The following NCAM2 variants were observed in gnomAD, a reference collection of about 807,000 sequenced individuals.
NCAM2 encodes the protein N-CAM-2.
NCAM2 carries 30 observed loss-of-function variants against 98.1 expected under a neutral mutation model. The ratio of observed to expected loss-of-function variants is 0.31; its 90% CI spans 0.23 to 0.41. NCAM2 has a LOEUF of 0.41. NCAM2 is among the 10% of genes least tolerant of loss of function. The pLI, the probability that NCAM2 is intolerant of heterozygous loss-of-function variation, is 1.00. For synonymous variants in NCAM2, 368 were observed against 342.4 expected (o/e 1.07, Z -0.83); for missense variants, 867 against 1,005.8 (o/e 0.86, Z 1.87).
intron 5 of NCAM2, among the ~76,000 whole-genome samples, chr21:21,297,632 T>C (rs2826779): frequency 0.64 from 97,498 of 151,426 alleles, 32,136 homozygotes; most frequent in Non-Finnish European, 0.73. Context: ...TGGATACGCT[T>C]TTCTAAAAGA....
chr21:21,504,480 T>C (rs1987846304), intron 15 of NCAM2, among the ~76,000 whole-genome samples: 1 of 151,940 alleles, frequency 6.6e-6, no homozygotes, highest in Non-Finnish European at 1.5e-5. Flanking sequence ...ATGAATGTTC[T>C]GGATGTTATT....
chr21:21,453,335 C>G (rs1191655111), intron 12 of NCAM2, among the ~76,000 whole-genome samples: 1 of 151,336 alleles, frequency 6.6e-6, no homozygotes, highest in Non-Finnish European at 1.5e-5. Flanking sequence ...ACATAAATAC[C>G]TAGGGAAGCC....
At chr21:21,148,329 GAAC>G (rs2067348255) in intron 1 of NCAM2, among the ~76,000 whole-genome samples, 1 of 152,072 alleles carries the variant, frequency 6.6e-6, no homozygotes, top group Non-Finnish European at 1.5e-5. Flanking sequence ...TAATACTGTG[GAAC>G]AAGCAGGGAT....
chr21:21,392,505 T>A (rs558090408), intron 9 of NCAM2, among the ~76,000 whole-genome samples: 1 of 152,312 alleles, frequency 6.6e-6, no homozygotes, highest in African/African-American at 2.4e-5. Context: ...TTTCTGTCTT[T>A]AGGTTTTGAA....
intron 1 of NCAM2, among the ~76,000 whole-genome samples, chr21:21,070,180 G>T (rs2065530309): frequency 6.6e-6 from 1 of 151,482 alleles, no homozygotes. Context: ...TTACTATGGA[G>T]GCCAAAATAT....
At chr21:21,096,888 A>AG (rs1569019246) in intron 1 of NCAM2, among the ~76,000 whole-genome samples, 2 of 151,500 alleles carry the variant, frequency 1.3e-5, no homozygotes, top group Non-Finnish European at 3.0e-5. Context: ...CGGATTTCTC[A>AG]TTTATGCCAA....
intron 1 of NCAM2, among the ~76,000 whole-genome samples, chr21:21,262,766 A>G (rs1465551342): frequency 6.6e-6 from 1 of 152,044 alleles, no homozygotes; most frequent in Non-Finnish European, 1.5e-5. Flanking sequence ...CTGGGCAATT[A>G]ACAAAATAAA....
chr21:21,425,303 A>C (rs536078906), intron 11 of NCAM2, among the ~76,000 whole-genome samples: 1 of 152,224 alleles, frequency 6.6e-6, no homozygotes, highest in East Asian at 1.9e-4. Context: ...AATTTCTCCA[A>C]ATATCTAAAA....
intron 16 of NCAM2, among the ~76,000 whole-genome samples, chr21:21,526,304 T>A (rs960781049): frequency 1.3e-5 from 2 of 151,976 alleles, no homozygotes; most frequent in African/African-American, 4.8e-5. Flanking sequence ...CAAAAATCAA[T>A]TAATATGCAA....
intron 1 of NCAM2, among the ~76,000 whole-genome samples, chr21:21,068,032 G>A (rs1365264828): frequency 3.3e-5 from 5 of 151,916 alleles, no homozygotes; most frequent in African/African-American, 1.2e-4. Context: ...TGAGGAACTT[G>A]GTTTTCATGT....
intron 5 of NCAM2, among the ~76,000 whole-genome samples, chr21:21,300,291 G>A (rs1326286531): frequency 6.6e-6 from 1 of 151,950 alleles, no homozygotes; most frequent in Non-Finnish European, 1.5e-5. Context: ...CTTGAACCAC[G>A]AAGATCCAAA....
At chr21:21,385,351 A>G (rs559211527) in intron 9 of NCAM2, among the ~76,000 whole-genome samples, 26 of 148,838 alleles carry the variant, frequency 1.7e-4, no homozygotes, top group South Asian at 6.3e-4. Flanking sequence ...AAAAAATTAC[A>G]AAGACATTAC....
intron 1 of NCAM2, among the ~76,000 whole-genome samples, chr21:21,276,629 G>C (rs1175858684): frequency 6.6e-6 from 1 of 151,862 alleles, no homozygotes; most frequent in Non-Finnish European, 1.5e-5. Context: ...ATATTGATTT[G>C]GGTCAAAAAT....
At chr21:21,261,174 AC>A (rs2071884854) in intron 1 of NCAM2, among the ~76,000 whole-genome samples, 1 of 152,178 alleles carries the variant, frequency 6.6e-6, no homozygotes, top group African/African-American at 2.4e-5. Context: ...ATATGTACAC[AC>A]AACATCAGCA....
At chr21:21,501,321 G>A (rs1385236566) in intron 15 of NCAM2, among the ~76,000 whole-genome samples, 1 of 151,840 alleles carries the variant, frequency 6.6e-6, no homozygotes, top group African/African-American at 2.4e-5. Flanking sequence ...CTCAGAATGT[G>A]TCTTCCATAA....
chr21:21,093,401 A>C (rs1289495109), intron 1 of NCAM2, among the ~76,000 whole-genome samples: 2 of 152,092 alleles, frequency 1.3e-5, no homozygotes, highest in African/African-American at 4.8e-5. Flanking sequence ...TCGTCTTCTA[A>C]CATTTATGTC....
At chr21:21,466,818 T>C (rs539144301) in intron 13 of NCAM2, 93 bp downstream of exon 13, 2 of 1,257,450 alleles carry the variant, frequency 1.6e-6, no homozygotes, top group African/African-American at 1.6e-5. Context: ...GTTTCAACAC[T>C]TTTGAGACAT....
intron 1 of NCAM2, among the ~76,000 whole-genome samples, chr21:21,051,507 T>C (rs536192394): frequency 6.6e-6 from 1 of 152,324 alleles, no homozygotes; most frequent in Non-Finnish European, 1.5e-5. Context: ...AAGAACAAAA[T>C]ATGAAACAAA....
intron 6 of NCAM2, among the ~76,000 whole-genome samples, chr21:21,329,604 T>C (rs1241628189): frequency 2.0e-5 from 3 of 152,214 alleles, no homozygotes; most frequent in African/African-American, 4.8e-5. Context: ...TTTATATTCA[T>C]GGTTATGAGA....
Sources: allele counts gnomAD v4.1 joint callset (sites outside exome capture counted in the v4.1 genomes callset), GRCh38; gene constraint gnomAD v4.1.1; transcripts MANE v1.5; gene names NCBI Gene and HGNC (gene_info 2026-07-23, HGNC 2026-07-21).